Variants in GLCCI1 observed in about 807,000 individuals in gnomAD.
GLCCI1 encodes glucocorticoid induced 1, also known as glucocorticoid-induced transcript 1 protein.
GLCCI1 carries 24 observed loss-of-function variants against 52.2 expected under a neutral mutation model. The observed-to-expected ratio is 0.46, with a 90% confidence interval of 0.33 to 0.65. The LOEUF is 0.65. Among genes scored for constraint, GLCCI1 ranks in the 30% least tolerant of loss-of-function variants. GLCCI1 has a pLI of 0.02. For missense variants in GLCCI1, 704 were observed against 701.5 expected, an observed-to-expected ratio of 1.00 and a Z score of -0.04; for synonymous variants, 310 against 276.5, an observed-to-expected ratio of 1.12 and a Z score of -1.20.
intron 5 of GLCCI1, among the ~76,000 whole-genome samples, chr7:8,061,261 G>A (rs903625905): frequency 2.0e-5 from 3 of 151,696 alleles, no homozygotes; most frequent in Non-Finnish European, 2.9e-5. Flanking sequence ...CACCACACCC[G>A]GCTAATTTTT....
chr7:8,055,640 A>G lies in GLCCI1; in HGVS notation c.813+91A>G, dbSNP rs567222315. The G allele has an allele frequency of 3.8e-5, 30 of 799,056 alleles. No homozygotes were observed. The East Asian group carries it at 7.6e-4, about 20-fold the overall frequency. The allele number at this position is 799,056 out of a possible 1,614,324, so 49.5% of individuals were successfully genotyped here. A position where few individuals can be genotyped will look rare whatever the true frequency, so the allele number is the denominator to read the frequency against. On this transcript the variant is annotated intron_variant, in intron 4 of 7. Transcript: ENST00000223145. ...TTTCAGCATTTAAAAAAACCCATAA[A>G]TATTTAGCTCTACTAAATTACTAGT... is the stretch of plus-strand genomic sequence containing the variant.
chr7:8,053,917 A>C lies in GLCCI1; in HGVS notation c.697-1516A>C, dbSNP rs552923407. Among the ~76,000 whole-genome samples the C allele has an allele frequency of 2.0e-5, 3 of 152,188 alleles. No homozygotes were observed. In the South Asian group the frequency reaches 6.2e-4, roughly 32 times the overall value. On this transcript the variant is annotated intron_variant, in intron 3 of 7. Coordinates refer to ENST00000223145, the MANE Select transcript of GLCCI1 (RefSeq NM_138426.4). ...CTAAGTGAAGTAAGGTTTGTAGCATAATGTAGGCTTTTTGTCTTCAGGGGT... is the reference window on the plus strand; with the variant it reads ...CTAAGTGAAGTAAGGTTTGTAGCATCATGTAGGCTTTTTGTCTTCAGGGGT...
intron 6 of GLCCI1, among the ~76,000 whole-genome samples, chr7:8,077,490 T>C (rs6951578): frequency 0.036 from 5,484 of 152,242 alleles, 309 homozygotes; most frequent in African/African-American, 0.12. Context: ...TAATCAACAT[T>C]GACTCTGGGG....
At chr7:8,066,208 G>C (rs543989983) in intron 5 of GLCCI1, among the ~76,000 whole-genome samples, 1 of 152,214 alleles carries the variant, frequency 6.6e-6, no homozygotes, top group Admixed American at 6.5e-5. Flanking sequence ...AGTAGTCTCT[G>C]AGGGTTTTTT....
intron 6 of GLCCI1, among the ~76,000 whole-genome samples, chr7:8,077,997 G>A (rs1782909282): frequency 6.6e-6 from 1 of 152,098 alleles, no homozygotes; most frequent in Non-Finnish European, 1.5e-5. Flanking sequence ...CACTTTGGGA[G>A]GCCAAGGCAG....
chr7:7,978,322 T>C (rs1780537630), intron 1 of GLCCI1, among the ~76,000 whole-genome samples: 2 of 152,244 alleles, frequency 1.3e-5, no homozygotes, highest in Admixed American at 6.5e-5. Context: ...CCCATAATTA[T>C]GATTCTCTAC....
chr7:8,081,236 A>T (rs1157252534), intron 6 of GLCCI1, among the ~76,000 whole-genome samples: 1 of 152,140 alleles, frequency 6.6e-6, no homozygotes, highest in Non-Finnish European at 1.5e-5. Context: ...TCCCCAGACT[A>T]ATTAAATCAG....
At chr7:8,067,966 C>G (rs1175814389) in intron 5 of GLCCI1, among the ~76,000 whole-genome samples, 1 of 152,110 alleles carries the variant, frequency 6.6e-6, no homozygotes, top group African/African-American at 2.4e-5. Context: ...TTGCTTTCTC[C>G]TCATCATTTT....
At chr7:8,067,950 A>G (rs1047751596) in intron 5 of GLCCI1, among the ~76,000 whole-genome samples, 2 of 152,132 alleles carry the variant, frequency 1.3e-5, no homozygotes, top group African/African-American at 4.8e-5. Flanking sequence ...CTGGTTTCTA[A>G]GTTGCTTGCT....
intron 3 of GLCCI1, among the ~76,000 whole-genome samples, chr7:8,043,323 T>G (rs1451849083): frequency 6.9e-6 from 1 of 145,610 alleles, no homozygotes; most frequent in Non-Finnish European, 1.5e-5. Flanking sequence ...CATTCAACAA[T>G]GCTGTGGTAA....
intron 2 of GLCCI1, among the ~76,000 whole-genome samples, chr7:8,013,776 A>G (rs966248790): frequency 2.6e-5 from 4 of 152,170 alleles, no homozygotes; most frequent in African/African-American, 4.8e-5. Context: ...GATATTTAAT[A>G]TCTAATTTAC....
At chr7:7,989,621 C>T (rs537200334) in intron 1 of GLCCI1, among the ~76,000 whole-genome samples, 1 of 151,966 alleles carries the variant, frequency 6.6e-6, no homozygotes, top group South Asian at 2.1e-4. Context: ...ACATGCCAGG[C>T]GATTTTAAAT....
Position 8,044,949 on chromosome 7 carries a change from G to C in GLCCI1, c.697-10484G>C, listed in dbSNP as rs192510754. ...AAGTCCTCACTTAATGTTGTCAGTA[G>C]ATTCTTGGAAACTATGACTTTAAAG... On this transcript the variant is annotated intron_variant, in intron 3 of 7. Coordinates refer to ENST00000223145, the MANE Select transcript of GLCCI1 (RefSeq NM_138426.4). Among the ~76,000 whole-genome samples, 393 of 152,290 alleles carry C rather than the reference G, an allele frequency of 2.6e-3. 3 individuals are homozygous for C. Among genetic ancestry groups the C allele is most frequent in the Non-Finnish European group, 4.1e-3 (277 of 68,018 alleles).
At chr7:7,974,019 T>G (rs1780411395) in intron 1 of GLCCI1, among the ~76,000 whole-genome samples, 2 of 152,096 alleles carry the variant, frequency 1.3e-5, no homozygotes, top group Non-Finnish European at 2.9e-5. Flanking sequence ...TTAATTAATT[T>G]TCCTTGAGTG....
At chr7:8,012,461 T>TTTTTTTTTTTTTC (rs1781285386) in intron 2 of GLCCI1, among the ~76,000 whole-genome samples, 1 of 83,920 alleles carries the variant, frequency 1.2e-5, no homozygotes, top group African/African-American at 5.3e-5. Context: ...TTTTTTTTTT[T>TTTTTTTTTTTTTC]TGAGATGGAG....
intron 3 of GLCCI1, chr7:8,022,843 T>C (rs568430878): frequency 5.6e-6 from 1 of 177,194 alleles, no homozygotes; most frequent in Admixed American, 6.2e-5. Context: ...ATATTTGTTA[T>C]GCACTCAGTC....
At chr7:8,033,403 C>G (rs1781799982) in intron 3 of GLCCI1, among the ~76,000 whole-genome samples, 1 of 152,020 alleles carries the variant, frequency 6.6e-6, no homozygotes, top group Non-Finnish European at 1.5e-5. Context: ...GAGATTCTAG[C>G]CAGTGCAGTC....
intron 6 of GLCCI1, among the ~76,000 whole-genome samples, chr7:8,073,321 G>A (rs1478858628): frequency 6.6e-6 from 1 of 152,040 alleles, no homozygotes; most frequent in Non-Finnish European, 1.5e-5. Context: ...ACACAGCTTA[G>A]TCAAAACCTC....
chr7:7,990,601 C>T (rs533275737), intron 1 of GLCCI1, among the ~76,000 whole-genome samples: 11 of 152,154 alleles, frequency 7.2e-5, no homozygotes, highest in Admixed American at 5.9e-4. Flanking sequence ...TCTGTGTATG[C>T]AGACATAGAC....
Sources: gnomAD v4.1 joint callset for allele counts (sites outside exome capture counted in the v4.1 genomes callset) on GRCh38, gnomAD v4.1.1 for gene constraint, MANE v1.5 for transcripts, NCBI Gene and HGNC (gene_info 2026-07-23, HGNC 2026-07-21) for gene names.